TMC6: variants seen among roughly 807,000 people sequenced by gnomAD.
TMC6 encodes transmembrane channel like 6, also known as transmembrane channel-like protein 6.
Under a neutral mutation model 95.4 loss-of-function variants are expected in TMC6, and 71 were observed. The ratio of observed to expected loss-of-function variants is 0.74; its 90% CI spans 0.61 to 0.91. The LOEUF (loss-of-function observed/expected upper bound fraction) is 0.91. TMC6 is among the 40% of genes least tolerant of loss of function. The probability of loss-of-function intolerance (pLI) is 0.00; values close to 1 mark genes in which losing one functional copy is unlikely to be tolerated. For synonymous variants in TMC6, 514 were observed against 483.1 expected (o/e 1.06, Z -0.84); for missense variants, 1,074 against 1,079.1 (o/e 1.00, Z 0.07).
chr17:78,117,612 C>G lies in TMC6; in HGVS notation c.2054G>C (p.Arg685Pro). Reference sequence around the variant, plus strand: ...GGCCTCGTACATGGTGTCCAGGGTCCGGAAGGGGCCGCAGGTGCTCGAGGG... The same window carrying G: ...GGCCTCGTACATGGTGTCCAGGGTCGGGAAGGGGCCGCAGGTGCTCGAGGG... ...VKPSSTCGPF[R>P]TLDTMYEAGR... is the part of the protein sequence containing the mutation. Residue 685 changes from arginine to proline, a missense_variant, in exon 17 of 20, where the codon CGG (arginine) becomes CCG (proline). Transcript: ENST00000590602. 3 of 1,578,396 alleles carry G rather than the reference C, an allele frequency of 1.9e-6. No homozygotes were observed. Among genetic ancestry groups the G allele is most frequent in the Non-Finnish European group, 2.6e-6 (3 of 1,163,354 alleles).
rs2074435305 is a variant in TMC6, at chr17:78,121,941, T to C, written c.1228-230A>G. 6.6e-6 allele frequency among the ~76,000 whole-genome samples: 1 copy of C among 151,912 alleles called. No homozygotes were observed. The highest frequency in any genetic ancestry group is 2.4e-5 in the African/African-American group (1 of 41,334). On this transcript the variant is annotated intron_variant, in intron 10 of 19. Coordinates refer to ENST00000590602, the MANE Select transcript of TMC6 (RefSeq NM_001127198.5). This position sits in a 1 kb window ranked among gnomAD's most constrained non-coding sequence, Gnocchi z 5.6. The stretch of plus-strand genomic sequence containing the variant: ...AGAGGCCCCTGTGCCTGGGCTGGCG[T>C]TCACTCCCGAGGCCTGCCTCAACCC...
chr17:78,115,679 GGGGC>G lies in TMC6; in HGVS notation c.2277+1586_2277+1589del, dbSNP rs2074055758. On this transcript the variant is annotated intron_variant, in intron 18 of 19. Transcript: ENST00000590602. ...CACAGGGGCGAAGGGAGTGGGCACA[GGGGC>G]GAAGGGAGTGGGCACAGGGGCGAAG... Among the ~76,000 whole-genome samples, 15 of 113,360 alleles carry G rather than the reference GGGGC, an allele frequency of 1.3e-4. 2 individuals are homozygous for G. Among genetic ancestry groups the G allele is most frequent in the East Asian group, 5.2e-4 (2 of 3,852 alleles). The allele number at this position is 113,360 out of a possible 152,430, so 74.4% of individuals were successfully genotyped here.
In TMC6 at chr17:78,121,198, C is replaced by T; in HGVS notation, c.1384-34G>A. 1.2e-5 allele frequency: 18 copies of T among 1,558,322 alleles called. No individual in the cohort carries two copies. Among genetic ancestry groups the T allele is most frequent in the Non-Finnish European group, 1.6e-5 (18 of 1,153,136 alleles). ...GTGCAGGGAGCGGTGTCATGGAAGC[C>T]CCCCATCCATGGTGGGAGCGGGCAG... On this transcript the variant is annotated intron_variant, in intron 11 of 19. Transcript: ENST00000590602. The surrounding 1 kb of genome is among the most constrained non-coding windows in gnomAD (Gnocchi z 5.6).
chr17:78,129,380 C>T (rs2074901019), upstream of TMC6, among the ~76,000 whole-genome samples: 1 of 152,176 alleles, frequency 6.6e-6, no homozygotes, highest in Non-Finnish European at 1.5e-5. The surrounding 1 kb of genome is among the most constrained non-coding windows in gnomAD (Gnocchi z 4.3). Flanking sequence ...CACTGATATT[C>T]CCATTTCACA....
chr17:78,117,008 G>T (rs1291276097), intron 18 of TMC6, among the ~76,000 whole-genome samples: 1 of 152,222 alleles, frequency 6.6e-6, no homozygotes, highest in Non-Finnish European at 1.5e-5. Context: ...CACACCCGGG[G>T]GCTGAAATCA....
chr17:78,113,697 G>A, intron 18 of TMC6, 73 bp from the exon 19 acceptor site: 1 of 1,500,040 alleles, frequency 6.7e-7, no homozygotes, highest in Non-Finnish European at 9.2e-7. Flanking sequence ...GTTCCAAACT[G>A]CATTTGAGGG....
At chr17:78,130,693 G>A (rs1046902418), upstream of TMC6, 12 of 152,328 alleles carry the variant, frequency 7.9e-5, no homozygotes, top group African/African-American at 2.9e-4. Context: ...TAAAGCAGAG[G>A]AAACCATGGG....
chr17:78,109,130 C>G lies in TMC6; in HGVS notation c.*4018G>C, dbSNP rs921446314. Reference sequence around the variant, plus strand: ...CCAGCCTTTGTTGTTGTTGTTGTTGCTGCTATTTTGGCAACATCACGGCAG... The same window carrying G: ...CCAGCCTTTGTTGTTGTTGTTGTTGGTGCTATTTTGGCAACATCACGGCAG... On this transcript the variant is annotated 3_prime_UTR_variant, in exon 20 of 20. Transcript: ENST00000590602. 2 of 267,192 alleles carry G rather than the reference C, an allele frequency of 7.5e-6. No individual in the cohort carries two copies. Among genetic ancestry groups the G allele is most frequent in the African/African-American group, 4.5e-5 (2 of 44,942 alleles). The allele number at this position is 267,192 out of a possible 1,614,324, so 16.6% of individuals were successfully genotyped here.
In TMC6 at chr17:78,120,843, CG is replaced by C. The variant is rs963338971; in HGVS notation, c.1536-12del. On this transcript the variant is annotated splice_polypyrimidine_tract_variant and intron_variant, in intron 12 of 19. Transcript: ENST00000590602. The stretch of plus-strand genomic sequence containing the variant: ...TTGAGGATGAGGTTCCTGCGGAGGG[CG>C]GGGTGCAAAGGCTGAGGGGCGGGTA... 6.2e-7 allele frequency: 1 copy of C among 1,611,066 alleles called. No homozygotes were observed. The highest frequency in any genetic ancestry group is 1.3e-5 in the African/African-American group (1 of 74,856).
Position 78,124,194 on chromosome 17 carries a change from T to G in TMC6, c.892-15A>C, listed in dbSNP as rs999935758. The G allele has an allele frequency of 1.9e-6, 3 of 1,610,654 alleles. No homozygotes were observed. The highest frequency in any genetic ancestry group is 1.7e-6 in the Non-Finnish European group (2 of 1,179,578). ...GTGAAGCAACCCTGCCACAGGGAGA[T>G]CCAGCCGAGTCAGGGACTTTCCCCA... On this transcript the variant is annotated splice_polypyrimidine_tract_variant and intron_variant, in intron 8 of 19. Transcript: ENST00000590602.
At chr17:78,125,458 G>T (rs1598871674) in intron 5 of TMC6, among the ~76,000 whole-genome samples, 195 bp from the exon 6 acceptor site, 2 of 152,204 alleles carry the variant, frequency 1.3e-5, no homozygotes, top group African/African-American at 4.8e-5. Flanking sequence ...CAGAGCACAG[G>T]GGCCTGTTTC....
Position 78,126,576 on chromosome 17 carries a change from C to G in TMC6, c.129G>C (p.Gln43His), listed in dbSNP as rs371802601. The G allele has an allele frequency of 2.9e-5, 47 of 1,613,844 alleles. No homozygotes were observed. In the African/African-American group the frequency reaches 5.6e-4, roughly 19 times the overall value. ...GCTCCAGCCCCTCCTGGGCCGTGCA[C>G]TGGCTCTGCTCCTGGATGAGCTGCT... ...SFQQLIQEQS[Q>H]CTAQEGLELQ... The change falls in exon 3 of 20, where the codon CAG (glutamine) becomes CAC (histidine). Residue 43 changes from glutamine to histidine, a missense_variant. Gln to His is a conservative substitution (Grantham distance 24). Transcript: ENST00000590602.
intron 18 of TMC6, among the ~76,000 whole-genome samples, chr17:78,115,698 CA>C (rs2055181705): frequency 2.3e-5 from 1 of 42,598 alleles, no homozygotes; most frequent in Non-Finnish European, 4.5e-5. Context: ...GGAGTGGGCA[CA>C]GGGGCGAAGG....
Position 78,111,064 on chromosome 17 carries a change from G to C in TMC6, c.*2084C>G, listed in dbSNP as rs980383377. 7 of 152,218 alleles carry C rather than the reference G, an allele frequency of 4.6e-5. No individual in the cohort carries two copies. Among genetic ancestry groups the C allele is most frequent in the African/African-American group, 1.7e-4 (7 of 41,456 alleles). 9.4% of individuals were successfully genotyped at this position (152,218 alleles called of 1,614,324 possible). A position where few individuals can be genotyped will look rare whatever the true frequency, so the allele number is the denominator to read the frequency against. The stretch of plus-strand genomic sequence containing the variant: ...CCCTCTCTGGGACACCTCGGGTTTT[G>C]CTCTTAAAGCTTTCAGCTGATAGGA... On this transcript the variant is annotated 3_prime_UTR_variant, in exon 20 of 20. Coordinates refer to ENST00000590602, the MANE Select transcript of TMC6 (RefSeq NM_001127198.5).
intron 1 of TMC6, among the ~76,000 whole-genome samples, chr17:78,127,255 A>G (rs932004208): frequency 5.3e-5 from 8 of 152,184 alleles, no homozygotes; most frequent in Non-Finnish European, 1.0e-4. Context: ...GTTCTGGCAC[A>G]GAGACACCTC....
chr17:78,131,696 G>A (rs757121696), upstream of TMC6: 5 of 1,579,998 alleles, frequency 3.2e-6, no homozygotes, highest in Non-Finnish European at 4.3e-6. Context: ...GGACGCCCGT[G>A]CGCGGGCTGC....
rs1000422928 is a variant in TMC6 at position 78,110,042 on chromosome 17, G to C, written c.*3106C>G. ...GATCGTCCCGTTGCACTCCAGCCTG[G>C]GGAACAAGAGTGAAACTCCATTCCA... On this transcript the variant is annotated 3_prime_UTR_variant, in exon 20 of 20. Coordinates refer to ENST00000590602, the MANE Select transcript of TMC6 (RefSeq NM_001127198.5). 1 of 152,776 alleles carries C rather than the reference G, an allele frequency of 6.5e-6. No individual in the cohort carries two copies. Among genetic ancestry groups the C allele is most frequent in the African/African-American group, 2.4e-5 (1 of 41,210 alleles). The allele number at this position is 152,776 out of a possible 1,614,324, so 9.5% of individuals were successfully genotyped here. A position where few individuals can be genotyped will look rare whatever the true frequency, so the allele number is the denominator to read the frequency against.
chr17:78,121,791 A>C lies in TMC6; in HGVS notation c.1228-80T>G. 6.7e-7 allele frequency: 1 copy of C among 1,483,452 alleles called. No individual in the cohort carries two copies. The highest frequency in any genetic ancestry group is 9.0e-7 in the Non-Finnish European group (1 of 1,113,196). 91.9% of individuals were successfully genotyped at this position (1,483,452 alleles called of 1,614,324 possible). On this transcript the variant is annotated intron_variant, in intron 10 of 19. Coordinates refer to ENST00000590602, the MANE Select transcript of TMC6 (RefSeq NM_001127198.5). This position sits in a 1 kb window ranked among gnomAD's most constrained non-coding sequence, Gnocchi z 5.6. ...CGTGCAGACACAGCACAACACACAC[A>C]ACACACATGAGACACACCAGGAGGC... is the stretch of plus-strand genomic sequence containing the variant.
chr17:78,130,341 T>TA, upstream of TMC6, among the ~76,000 whole-genome samples: 2 of 152,292 alleles, frequency 1.3e-5, no homozygotes, highest in South Asian at 4.1e-4. Flanking sequence ...GGCCGGCAGA[T>TA]AAAGAGTTTG....
Sources: allele counts gnomAD v4.1 joint callset (sites outside exome capture counted in the v4.1 genomes callset), GRCh38; gene constraint gnomAD v4.1.1; non-coding constraint Gnocchi (gnomAD v3.1); transcripts MANE v1.5; gene names NCBI Gene and HGNC (gene_info 2026-07-23, HGNC 2026-07-21).